The following PRKAG2 variants were observed in gnomAD, a reference collection of about 807,000 sequenced individuals.
PRKAG2 encodes 5'-AMP-activated protein kinase subunit gamma-2.
Under a neutral mutation model 69.6 loss-of-function variants are expected in PRKAG2, and 26 were observed. That is an observed-to-expected ratio of 0.37 (90% CI 0.27 to 0.52). PRKAG2 has a LOEUF of 0.52. Ranked by LOEUF, PRKAG2 falls within the 20% of genes least tolerant of loss-of-function variation. The pLI is 0.90. For synonymous variants in PRKAG2, 293 were observed against 285.0 expected (o/e 1.03, Z -0.28); for missense variants, 557 against 740.0 (o/e 0.75, Z 2.87).
chr7:151,852,760 G>C (rs1209217355), intron 1 of PRKAG2, among the ~76,000 whole-genome samples: 1 of 152,096 alleles, frequency 6.6e-6, no homozygotes, highest in Non-Finnish European at 1.5e-5. Flanking sequence ...GAGGCCAGGG[G>C]TGTGCACGGA....
At position 151,812,961 on chromosome 7, in the gene PRKAG2, C is replaced by T. The variant is rs562074543; in HGVS notation, c.115-26420G>A. 3.8e-4 allele frequency among the ~76,000 whole-genome samples: 58 copies of T among 151,866 alleles called. 1 individual carries two copies. The highest frequency in any genetic ancestry group is 1.1e-3 in the African/African-American group (46 of 41,442). On this transcript the variant is annotated intron_variant, in intron 1 of 15. Transcript: ENST00000287878. ...AAAAAAAAAAAACCACACACACACA[C>T]CTGAGATTTATCTAGTCCTTGGAAG...
intron 1 of PRKAG2, among the ~76,000 whole-genome samples, chr7:151,825,310 C>T (rs1436171205): frequency 3.3e-5 from 5 of 152,198 alleles, no homozygotes; most frequent in African/African-American, 1.2e-4. Flanking sequence ...TAGTCCTAAA[C>T]CCAAATAGGA....
intron 6 of PRKAG2, among the ~76,000 whole-genome samples, chr7:151,586,028 T>C (rs1388335429): frequency 1.3e-5 from 2 of 152,236 alleles, no homozygotes; most frequent in Non-Finnish European, 2.9e-5. Flanking sequence ...GGGATGGTCC[T>C]GGGCTGAGGG....
intron 1 of PRKAG2, among the ~76,000 whole-genome samples, chr7:151,813,495 A>T (rs2151856238): frequency 6.6e-6 from 1 of 151,748 alleles, no homozygotes; most frequent in Admixed American, 6.6e-5. Flanking sequence ...TTGTAAGGAA[A>T]AAAAAAAAAA....
chr7:151,701,024 C>G (rs776493902), intron 3 of PRKAG2, among the ~76,000 whole-genome samples: 1 of 152,194 alleles, frequency 6.6e-6, no homozygotes, highest in Non-Finnish European at 1.5e-5. Flanking sequence ...GCTGCACACA[C>G]GAGCACCCAG....
At chr7:151,621,744 T>C (rs1381743505) in intron 5 of PRKAG2, among the ~76,000 whole-genome samples, 1 of 151,936 alleles carries the variant, frequency 6.6e-6, no homozygotes, top group Non-Finnish European at 1.5e-5. Flanking sequence ...GGATAGTTTT[T>C]GTATTTTTTT....
At chr7:151,687,810 C>T (rs1681922119) in intron 3 of PRKAG2, among the ~76,000 whole-genome samples, 1 of 152,178 alleles carries the variant, frequency 6.6e-6, no homozygotes. Context: ...GGGGAGAAGA[C>T]CGTTTGTATG....
At chr7:151,848,489 C>T (rs79695519) in intron 1 of PRKAG2, among the ~76,000 whole-genome samples, 6,905 of 136,132 alleles carry the variant, frequency 0.051, 568 homozygotes, top group East Asian at 0.4. Flanking sequence ...GCAGTACAAA[C>T]AGATGAAGAA....
chr7:151,853,437 T>C (rs2151897535), intron 1 of PRKAG2, among the ~76,000 whole-genome samples: 1 of 152,310 alleles, frequency 6.6e-6, no homozygotes, highest in East Asian at 1.9e-4. Context: ...GGTCAGATAT[T>C]ACGTTGAACT....
Position 151,632,321 on chromosome 7 carries a change from G to GGCCGCCGCC in PRKAG2, c.685-192_685-184dup, listed in dbSNP as rs772485064. The GGCCGCCGCC allele has an allele frequency of 1.1e-4, 85 of 793,852 alleles. No individual in the cohort carries two copies. In the Admixed American group the frequency reaches 4.8e-3, roughly 45 times the overall value. 49.2% of individuals were successfully genotyped at this position (793,852 alleles called of 1,614,324 possible). A position where few individuals can be genotyped will look rare whatever the true frequency, so the allele number is the denominator to read the frequency against. ...GGGAGCGCTGCCCCCACCCGCCCGAGGCCGCCGCCGCCGCCGCAGGTGGCG... is the reference window on the plus strand; with the variant it reads ...GGGAGCGCTGCCCCCACCCGCCCGAGGCCGCCGCCGCCGCCGCCGCCGCCGCAGGTGGCG... On this transcript the variant is annotated intron_variant, in intron 4 of 15. Coordinates refer to ENST00000287878, the MANE Select transcript of PRKAG2 (RefSeq NM_016203.4). This position sits in a 1 kb window ranked among gnomAD's most constrained non-coding sequence, Gnocchi z 4.2.
At chr7:151,737,935 C>T (rs62982162) in intron 3 of PRKAG2, among the ~76,000 whole-genome samples, 511 of 19,334 alleles carry the variant, frequency 0.026, 7 homozygotes, top group East Asian at 0.22. Flanking sequence ...AGATCTGCCA[C>T]TCCCACGGGG....
intron 3 of PRKAG2, among the ~76,000 whole-genome samples, chr7:151,740,116 C>T (rs186648888): frequency 1.7e-3 from 261 of 152,320 alleles, no homozygotes; most frequent in Non-Finnish European, 3.0e-3. Context: ...TGAACGCCTG[C>T]GGTCCCTCCA....
At chr7:151,772,522 G>A (rs2076067507) in intron 3 of PRKAG2, among the ~76,000 whole-genome samples, 1 of 152,204 alleles carries the variant, frequency 6.6e-6, no homozygotes, top group Non-Finnish European at 1.5e-5. Flanking sequence ...TGAGAATCAA[G>A]CCTGCAAACT....
intron 3 of PRKAG2, among the ~76,000 whole-genome samples, chr7:151,733,984 C>T (rs991872774): frequency 1.3e-5 from 2 of 152,144 alleles, no homozygotes; most frequent in South Asian, 2.1e-4. Flanking sequence ...CTTGAGCCAC[C>T]GCACCTGGCC....
chr7:151,658,735 C>T (rs1400431980), intron 4 of PRKAG2, among the ~76,000 whole-genome samples: 2 of 152,212 alleles, frequency 1.3e-5, no homozygotes, highest in African/African-American at 2.4e-5. Flanking sequence ...AACTAATCTG[C>T]AGCTCTATCA....
chr7:151,663,983 T>C (rs1238836707), intron 4 of PRKAG2, among the ~76,000 whole-genome samples: 1 of 152,226 alleles, frequency 6.6e-6, no homozygotes, highest in African/African-American at 2.4e-5. Flanking sequence ...TGTTGCAGCA[T>C]GAAAACGGCA....
chr7:151,867,210 G>C (rs1049177790), intron 1 of PRKAG2, among the ~76,000 whole-genome samples: 7 of 152,214 alleles, frequency 4.6e-5, no homozygotes, highest in Non-Finnish European at 1.0e-4. Flanking sequence ...ATCGGACGGA[G>C]GCTGTGGCTG....
At chr7:151,826,192 T>G (rs1300298313) in intron 1 of PRKAG2, among the ~76,000 whole-genome samples, 1 of 140,538 alleles carries the variant, frequency 7.1e-6, no homozygotes, top group East Asian at 1.9e-4. Context: ...TTTGTTGTTG[T>G]TTTTTTTTGA....
chr7:151,668,321 T>C (rs1338579996), intron 4 of PRKAG2, among the ~76,000 whole-genome samples: 1 of 152,212 alleles, frequency 6.6e-6, no homozygotes, highest in Non-Finnish European at 1.5e-5. Flanking sequence ...GCCTCCAGAA[T>C]CATGAATCAA....
Sources: gnomAD v4.1 joint callset for allele counts (sites outside exome capture counted in the v4.1 genomes callset) on GRCh38, gnomAD v4.1.1 for gene constraint, Gnocchi (gnomAD v3.1) non-coding constraint, MANE v1.5 for transcripts, NCBI Gene and HGNC (gene_info 2026-07-23, HGNC 2026-07-21) for gene names.